The following GCFC2 variants were observed in gnomAD, a reference collection of about 807,000 sequenced individuals.
The protein encoded by GCFC2 is intron Large complex component GCFC2.
GCFC2 carries 102 observed loss-of-function variants against 99.4 expected under a neutral mutation model. The observed-to-expected ratio is 1.03, with a 90% CI of 0.87 to 1.21. GCFC2 has a LOEUF of 1.21. Ranked by LOEUF, GCFC2 falls within the 50% of genes most tolerant of loss-of-function variation. The pLI is 0.00. For synonymous variants in GCFC2, 338 were observed against 316.8 expected, an observed-to-expected ratio of 1.07 and a Z score of -0.71; for missense variants, 973 against 920.9, an observed-to-expected ratio of 1.06 and a Z score of -0.73.
intron 14 of GCFC2, chr2:75,670,685 G>A (rs779791060): frequency 1.0e-4 from 16 of 156,032 alleles, no homozygotes; most frequent in East Asian, 1.8e-4. Context: ...GGCAATCAAC[G>A]CTGAGAGCTT....
intron 13 of GCFC2, among the ~76,000 whole-genome samples, 181 bp downstream of exon 13, chr2:75,673,263 G>A (rs888037641): frequency 7.3e-5 from 11 of 151,664 alleles, no homozygotes; most frequent in South Asian, 2.1e-4. Context: ...AGCCGAGATC[G>A]CGCCACTGCA....
intron 15 of GCFC2, among the ~76,000 whole-genome samples, chr2:75,669,039 A>G (rs1266373275): frequency 2.0e-5 from 3 of 152,218 alleles, no homozygotes; most frequent in Middle Eastern, 3.2e-3. Context: ...GGTCAAGTAA[A>G]TATCCTTCCT....
At chr2:75,695,939 C>T (rs1045974722) in intron 5 of GCFC2, among the ~76,000 whole-genome samples, 1 of 152,174 alleles carries the variant, frequency 6.6e-6, no homozygotes, top group Non-Finnish European at 1.5e-5. Flanking sequence ...TTGTTTATTT[C>T]TGGAATTTTC....
intron 12 of GCFC2, among the ~76,000 whole-genome samples, chr2:75,676,803 A>G (rs563836335): frequency 2.3e-4 from 35 of 152,284 alleles, no homozygotes; most frequent in African/African-American, 7.9e-4. Flanking sequence ...TTTTTTCACA[A>G]TTTCTTGAAT....
At chr2:75,697,683 T>C (rs1357715774) in intron 4 of GCFC2, 2 of 152,260 alleles carry the variant, frequency 1.3e-5, no homozygotes, top group African/African-American at 4.8e-5. Context: ...ATGTTCATTA[T>C]ATGGCAAAAG....
chr2:75,667,401 G>A (rs1678892461), intron 15 of GCFC2, among the ~76,000 whole-genome samples: 1 of 152,074 alleles, frequency 6.6e-6, no homozygotes, highest in Non-Finnish European at 1.5e-5. Context: ...AAATTAAAAT[G>A]CACCCTATAT....
chr2:75,706,531 G>A lies in GCFC2; in HGVS notation c.386C>T (p.Ser129Leu), dbSNP rs757518379. 1.3e-6 allele frequency: 2 copies of A among 1,588,568 alleles called. No individual in the cohort carries two copies. The highest frequency in any genetic ancestry group is 2.3e-5 in the South Asian group (2 of 87,522). Residue 129 changes from serine to leucine, a missense_variant, in exon 2 of 17, where the codon TCA becomes TTA. Coordinates refer to ENST00000321027, the MANE Select transcript of GCFC2 (RefSeq NM_003203.5). ...TCATACAAATTACTAACCTGTTGAT[G>A]AAAGTTCTTTTTCTCCAAGAGAGCT... ...SSSSLGEKEL[S>L]STVKIPDAAF...
chr2:75,681,119 C>T (rs1279973383), intron 11 of GCFC2, among the ~76,000 whole-genome samples: 1 of 152,166 alleles, frequency 6.6e-6, no homozygotes, highest in Non-Finnish European at 1.5e-5. Context: ...AATAATCCCC[C>T]TCAGTGTAAG....
At chr2:75,691,085 C>A (rs1051297024) in intron 7 of GCFC2, among the ~76,000 whole-genome samples, 1 of 152,156 alleles carries the variant, frequency 6.6e-6, no homozygotes, top group African/African-American at 2.4e-5. Flanking sequence ...AGGAGTCCCC[C>A]CTAATCTGCA....
chr2:75,664,694 T>C lies in GCFC2; in HGVS notation c.2318A>G (p.His773Arg). ...ESFIGEHHLD[H>R]LKSLIKED ...ATCTTCTTTAATTAGTGATTTAAGA[T>C]GGTCTAGGTGATGCTCTCCTATGAA... Residue 773 changes from histidine (H) to arginine (R), a missense_variant, in exon 17 of 17, where the codon CAT becomes CGT. Physicochemically the swap from His to Arg is conservative, Grantham distance 29 (BLOSUM62 0). Transcript: ENST00000321027. The C allele has an allele frequency of 6.7e-7, 1 of 1,486,648 alleles. No individual in the cohort carries two copies. The highest frequency in any genetic ancestry group is 2.3e-5 in the East Asian group (1 of 44,154). 92.1% of individuals were successfully genotyped at this position (1,486,648 alleles called of 1,614,324 possible). A position where few individuals can be genotyped will look rare whatever the true frequency, so the allele number is the denominator to read the frequency against.
At chr2:75,700,202 C>T (rs1680521497) in intron 4 of GCFC2, among the ~76,000 whole-genome samples, 1 of 152,134 alleles carries the variant, frequency 6.6e-6, no homozygotes, top group African/African-American at 2.4e-5. Context: ...TCCCACCTTA[C>T]TGTATTGTAC....
At chr2:75,707,447 G>A (rs577466770) in intron 1 of GCFC2, among the ~76,000 whole-genome samples, 1 of 152,084 alleles carries the variant, frequency 6.6e-6, no homozygotes, top group Non-Finnish European at 1.5e-5. Context: ...CAATCTTTAT[G>A]AGTAACCTTA....
At chr2:75,677,871 G>A (rs1039533836) in intron 12 of GCFC2, among the ~76,000 whole-genome samples, 4 of 151,944 alleles carry the variant, frequency 2.6e-5, no homozygotes, top group Non-Finnish European at 5.9e-5. Flanking sequence ...CCAGCTACTC[G>A]GGAGGCTGAG....
chr2:75,674,608 T>C (rs1385190162), intron 12 of GCFC2, among the ~76,000 whole-genome samples: 1 of 152,032 alleles, frequency 6.6e-6, no homozygotes, highest in Admixed American at 6.6e-5. Context: ...ATTTATATTA[T>C]TTATATAATG....
At chr2:75,673,033 G>A (rs529556094) in intron 13 of GCFC2, among the ~76,000 whole-genome samples, 35 of 152,284 alleles carry the variant, frequency 2.3e-4, no homozygotes, top group African/African-American at 8.2e-4. Flanking sequence ...ATAGTTGGCC[G>A]GGCGCGGTGG....
At chr2:75,686,630 G>A (rs141477485) in intron 11 of GCFC2, among the ~76,000 whole-genome samples, 2 of 152,230 alleles carry the variant, frequency 1.3e-5, no homozygotes, top group African/African-American at 4.8e-5. Flanking sequence ...TGGAGTCCTA[G>A]CTAATTGGGA....
chr2:75,663,256 ATT>A lies in GCFC2; in HGVS notation c.*1408_*1409del, dbSNP rs1441838315. On this transcript the variant is annotated 3_prime_UTR_variant, in exon 17 of 17. Transcript: ENST00000321027. ...GCTGTATATTCAAATCCTACAATAT[ATT>A]CAATTTTTTCCAATTATCTTTTGAA... 6.6e-6 allele frequency: 1 copy of A among 152,230 alleles called. No individual in the cohort carries two copies. Among genetic ancestry groups the A allele is most frequent in the African/African-American group, 2.4e-5 (1 of 41,470 alleles). 9.4% of individuals were successfully genotyped at this position (152,230 alleles called of 1,614,324 possible). A position where few individuals can be genotyped will look rare whatever the true frequency, so the allele number is the denominator to read the frequency against.
rs58869655 is a variant in GCFC2, at chr2:75,686,937, A to ATT, written c.1690+888_1690+889dup. On this transcript the variant is annotated intron_variant, in intron 11 of 16. Coordinates refer to ENST00000321027, the MANE Select transcript of GCFC2 (RefSeq NM_003203.5). ...TGGCAAATGTGAGTGAAATGAAGCA[A>ATT]TTTTTTTTTTTTTTGAGACGGAGTT... 5.4e-3 allele frequency among the ~76,000 whole-genome samples: 797 copies of ATT among 147,812 alleles called. 5 individuals are homozygous for ATT. Among genetic ancestry groups the ATT allele is most frequent in the African/African-American group, 0.017 (701 of 40,406 alleles).
At chr2:75,693,448 G>A (rs930421073) in intron 6 of GCFC2, among the ~76,000 whole-genome samples, 1 of 151,772 alleles carries the variant, frequency 6.6e-6, no homozygotes, top group African/African-American at 2.4e-5. Flanking sequence ...CCCCTCACTA[G>A]AAAAATAAAT....
Sources: gnomAD v4.1 joint callset for allele counts (sites outside exome capture counted in the v4.1 genomes callset) on GRCh38, gnomAD v4.1.1 for gene constraint, MANE v1.5 for transcripts, NCBI Gene and HGNC (gene_info 2026-07-23, HGNC 2026-07-21) for gene names.